Variants in TTC1 observed in about 807,000 individuals in gnomAD.
TTC1 encodes tetratricopeptide repeat domain 1.
Under a neutral mutation model 37.6 loss-of-function variants are expected in TTC1, and 31 were observed. The observed-to-expected ratio is 0.82, with a 90% CI of 0.62 to 1.11. The LOEUF is 1.11. TTC1 is among the 50% of genes most tolerant of loss of function. The pLI is 0.00. For synonymous variants in TTC1, 127 were observed against 122.4 expected (o/e 1.04, Z -0.25); for missense variants, 351 against 339.0 (o/e 1.04, Z -0.28).
At chr5:160,046,138 A>C (rs1284362464) in intron 5 of TTC1, among the ~76,000 whole-genome samples, 1 of 152,126 alleles carries the variant, frequency 6.6e-6, no homozygotes, top group Non-Finnish European at 1.5e-5. Context: ...ATAATTGTCT[A>C]TACTTGGCTG....
At chr5:160,060,246 G>C (rs1757661745) in intron 7 of TTC1, among the ~76,000 whole-genome samples, 2 of 152,190 alleles carry the variant, frequency 1.3e-5, no homozygotes, top group South Asian at 4.1e-4. Context: ...CAGCATTCCT[G>C]GTTATGCTCA....
chr5:160,026,213 G>T (rs1756802586), intron 2 of TTC1, among the ~76,000 whole-genome samples: 1 of 152,210 alleles, frequency 6.6e-6, no homozygotes, highest in Admixed American at 6.5e-5. Context: ...GGCTAGGGAT[G>T]TCGGGGTGAG....
chr5:160,044,960 T>G (rs904593752), intron 5 of TTC1, among the ~76,000 whole-genome samples: 1 of 152,220 alleles, frequency 6.6e-6, no homozygotes, highest in Non-Finnish European at 1.5e-5. Flanking sequence ...AATGAAACTC[T>G]TTCTATATTA....
chr5:160,016,327 G>A (rs1256686817), intron 2 of TTC1, among the ~76,000 whole-genome samples: 10 of 152,106 alleles, frequency 6.6e-5, no homozygotes, highest in African/African-American at 1.9e-4. Flanking sequence ...GCAGAGAGCC[G>A]AGATCACGCC....
intron 3 of TTC1, among the ~76,000 whole-genome samples, chr5:160,035,733 G>A (rs1312778840): frequency 2.0e-5 from 3 of 152,106 alleles, no homozygotes; most frequent in Non-Finnish European, 2.9e-5. Flanking sequence ...ATGTCCTTCT[G>A]CATTTTCTAC....
Position 160,060,557 on chromosome 5 carries a change from G to A in TTC1, c.746-4375G>A, listed in dbSNP as rs571474729. Among the ~76,000 whole-genome samples, 5 of 152,322 alleles carry A rather than the reference G, an allele frequency of 3.3e-5. No homozygotes were observed. In the South Asian group the frequency reaches 1.0e-3, roughly 32 times the overall value. On this transcript the variant is annotated intron_variant, in intron 7 of 7. Coordinates refer to ENST00000231238, the MANE Select transcript of TTC1 (RefSeq NM_003314.3). Reference sequence around the variant, plus strand: ...TAGGTGGAAACAAGGAAACCTCATTGATTACTGTCCAGATAGGGAAGACAG... The same window carrying A: ...TAGGTGGAAACAAGGAAACCTCATTAATTACTGTCCAGATAGGGAAGACAG...
intron 5 of TTC1, 77 bp downstream of exon 5, chr5:160,043,246 C>A: frequency 6.6e-7 from 1 of 1,516,892 alleles, no homozygotes. Flanking sequence ...GTCAGGTGTG[C>A]ACTTGTACAT....
chr5:160,060,332 AT>A (rs1165798010), intron 7 of TTC1, among the ~76,000 whole-genome samples: 1 of 152,244 alleles, frequency 6.6e-6, no homozygotes, highest in Non-Finnish European at 1.5e-5. Flanking sequence ...TTATGGTGAT[AT>A]GCTACTTGGC....
At position 160,045,238 on chromosome 5, in the gene TTC1, G is replaced by T. The variant is rs544964941; in HGVS notation, c.541+2069G>T. 1.1e-4 allele frequency among the ~76,000 whole-genome samples: 17 copies of T among 152,218 alleles called. No homozygotes were observed. The Middle Eastern group carries it at 0.01, about 91-fold the overall frequency. ...ATGAAACAGTTTACTTCCAGCTGCA[G>T]CCCGAAGTGTAGGAGCCTTGCCTAG... On this transcript the variant is annotated intron_variant, in intron 5 of 7. Coordinates refer to ENST00000231238, the MANE Select transcript of TTC1 (RefSeq NM_003314.3).
At chr5:160,015,151 C>T (rs1164754526) in intron 2 of TTC1, among the ~76,000 whole-genome samples, 1 of 152,162 alleles carries the variant, frequency 6.6e-6, no homozygotes, top group African/African-American at 2.4e-5. Context: ...TTTGGCACCA[C>T]CTACCAAAAT....
chr5:160,062,695 C>G (rs1301838099), intron 7 of TTC1, among the ~76,000 whole-genome samples: 4 of 152,212 alleles, frequency 2.6e-5, no homozygotes, highest in African/African-American at 9.6e-5. Flanking sequence ...AGCTGCCCCT[C>G]CTCAGGAGTC....
intron 2 of TTC1, among the ~76,000 whole-genome samples, chr5:160,013,469 G>A (rs979635617): frequency 6.6e-6 from 1 of 152,036 alleles, no homozygotes; most frequent in Non-Finnish European, 1.5e-5. Context: ...TACAGGCTGG[G>A]CGTGGTGGCT....
chr5:160,042,982 T>G (rs1359355726), intron 4 of TTC1, 151 bp from the exon 5 acceptor site: 2 of 775,448 alleles, frequency 2.6e-6, no homozygotes, highest in African/African-American at 3.5e-5. Context: ...GAGTTTTGTC[T>G]TGGAAGTAAC....
intron 2 of TTC1, among the ~76,000 whole-genome samples, chr5:160,026,381 A>T (rs1202034058): frequency 6.6e-6 from 1 of 152,194 alleles, no homozygotes. Context: ...TGGTTGTTTA[A>T]AGAATTTCTG....
At chr5:160,041,533 G>A (rs1477939292) in intron 4 of TTC1, among the ~76,000 whole-genome samples, 1 of 151,832 alleles carries the variant, frequency 6.6e-6, no homozygotes, top group East Asian at 1.9e-4. Context: ...GGCTGGTCTT[G>A]AACTCCTGAC....
At chr5:160,045,415 GGTTT>G (rs1003619122) in intron 5 of TTC1, among the ~76,000 whole-genome samples, 10 of 138,320 alleles carry the variant, frequency 7.2e-5, no homozygotes, top group Admixed American at 3.0e-4. Flanking sequence ...ATATCAATAT[GGTTT>G]GTTTGTATTG....
rs78705945 is a variant in TTC1, at chr5:160,031,710, G to A, written c.331-3430G>A. On this transcript the variant is annotated intron_variant, in intron 2 of 7. Transcript: ENST00000231238. ...ACTTTCAGTCCTTCAAGTTATAAAG[G>A]CAAGATGAGGGCTGGGCACACTGGC... is the stretch of plus-strand genomic sequence containing the variant. Among the ~76,000 whole-genome samples the A allele has an allele frequency of 7.5e-4, 114 of 152,150 alleles. No individual in the cohort carries two copies. In the East Asian group the frequency reaches 0.019, roughly 25 times the overall value.
At chr5:160,049,734 C>T in intron 6 of TTC1, 72 bp downstream of exon 6, 1 of 1,230,112 alleles carries the variant, frequency 8.1e-7, no homozygotes, top group South Asian at 1.9e-5. Context: ...CCTAAATAAT[C>T]CTTTCAGACA....
chr5:160,019,828 C>T (rs1756674324), intron 2 of TTC1, among the ~76,000 whole-genome samples: 1 of 151,066 alleles, frequency 6.6e-6, no homozygotes, highest in Non-Finnish European at 1.5e-5. Context: ...GATCCACCCA[C>T]CTCGGCCTCC....
Sources: allele counts gnomAD v4.1 joint callset (sites outside exome capture counted in the v4.1 genomes callset), GRCh38; gene constraint gnomAD v4.1.1; transcripts MANE v1.5; gene names NCBI Gene and HGNC (gene_info 2026-07-23, HGNC 2026-07-21).